C16orf95: variants seen among roughly 807,000 people sequenced by gnomAD.
C16orf95 encodes chromosome 16 open reading frame 95, also known as uncharacterized protein C16orf95.
Under a neutral mutation model 32.1 loss-of-function variants are expected in C16orf95, and 41 were observed. That is an observed-to-expected ratio of 1.28 (90% CI 1.00 to 1.66). C16orf95 has a LOEUF of 1.66. C16orf95 is among the 40% of genes most tolerant of loss of function. The pLI is 0.00. For synonymous variants in C16orf95, 147 were observed against 128.9 expected, an observed-to-expected ratio of 1.14 and a Z score of -0.95; for missense variants, 399 against 325.9, an observed-to-expected ratio of 1.22 and a Z score of -1.73.
At chr16:87,313,290 A>G (rs1911366384) in intron 3 of C16orf95, among the ~76,000 whole-genome samples, 1 of 152,268 alleles carries the variant, frequency 6.6e-6, no homozygotes, top group African/African-American at 2.4e-5. Context: ...TCAAGACACA[A>G]TAATCAAGAC....
chr16:87,309,560 T>C (rs1911187726), intron 5 of C16orf95, among the ~76,000 whole-genome samples: 1 of 151,832 alleles, frequency 6.6e-6, no homozygotes. Flanking sequence ...ATTTTTTGTA[T>C]TTTAGTAGAG....
chr16:87,303,235 G>C (rs1910846120), intron 6 of C16orf95, 160 bp from the exon 7 acceptor site: 3 of 697,170 alleles, frequency 4.3e-6, no homozygotes, highest in Non-Finnish European at 7.5e-6. Context: ...GCAGGGATGA[G>C]GGGTGGGGTG....
chr16:87,304,328 C>G (rs889606), intron 6 of C16orf95, among the ~76,000 whole-genome samples: 12,648 of 67,410 alleles, frequency 0.19, 557 homozygotes, highest in Non-Finnish European at 0.26. Flanking sequence ...AGGCTGGGAT[C>G]CAGGTGTGGG....
chr16:87,309,387 T>C (rs1339992674), intron 5 of C16orf95, among the ~76,000 whole-genome samples: 6 of 131,546 alleles, frequency 4.6e-5, no homozygotes, highest in Non-Finnish European at 6.4e-5. Flanking sequence ...TTTTTTTTTT[T>C]TTTTTTTTTT....
chr16:87,317,106 C>T lies in C16orf95; in HGVS notation c.137G>A (p.Ser46Asn). The T allele has an allele frequency of 6.5e-7, 1 of 1,527,266 alleles. No individual in the cohort carries two copies. 94.6% of individuals were successfully genotyped at this position (1,527,266 alleles called of 1,614,324 possible). ...VGLCRLALTP[S>N]AQDGRNSTFQ... Reference sequence around the variant, plus strand: ...ACTCACTTGCCTGCCATCCTGCGCGCTGGGTGTGAGTGCCAACCTGCAGAG... The same window carrying T: ...ACTCACTTGCCTGCCATCCTGCGCGTTGGGTGTGAGTGCCAACCTGCAGAG... The change falls in exon 1 of 7, where the codon AGC (serine) becomes AAC (asparagine). Residue 46 changes from serine (S) to asparagine (N), a missense_variant. Ser to Asn is a conservative substitution (Grantham distance 46, BLOSUM62 1). Coordinates refer to ENST00000567970, the MANE Select transcript of C16orf95 (RefSeq NM_001195124.3).
At chr16:87,316,952 T>C in intron 1 of C16orf95, 139 bp downstream of exon 1, 1 of 1,335,052 alleles carries the variant, frequency 7.5e-7, no homozygotes, top group Non-Finnish European at 9.7e-7. Context: ...AGTTGCGTTT[T>C]TGTTAAGCCA....
intron 1 of C16orf95, 85 bp downstream of exon 1, chr16:87,317,006 G>A (rs1183247301): frequency 2.1e-6 from 3 of 1,428,578 alleles, no homozygotes; most frequent in Admixed American, 2.8e-5. Context: ...AGTTCTGCCT[G>A]TGCATAGGTC....
At chr16:87,316,914 C>G (rs1847545132) in intron 1 of C16orf95, among the ~76,000 whole-genome samples, 177 bp downstream of exon 1, 1 of 152,232 alleles carries the variant, frequency 6.6e-6, no homozygotes, top group Admixed American at 6.5e-5. Context: ...AGGCCTACTT[C>G]TGACATTTTC....
intron 3 of C16orf95, among the ~76,000 whole-genome samples, chr16:87,312,426 G>A (rs1463975369): frequency 6.6e-6 from 1 of 152,022 alleles, no homozygotes; most frequent in African/African-American, 2.4e-5. Flanking sequence ...AAAATTAGCC[G>A]GGAGTGGTGG....
chr16:87,304,341 ACTGTGC>A (rs1567602045), intron 6 of C16orf95, among the ~76,000 whole-genome samples: 18 of 151,042 alleles, frequency 1.2e-4, no homozygotes, highest in African/African-American at 4.3e-4. Flanking sequence ...GGTGTGGGCC[ACTGTGC>A]CCGGCCTCGC....
rs926688128 is a variant in C16orf95, at chr16:87,305,362, G to A, written c.701+357C>T. Reference sequence around the variant, plus strand: ...GTGCTCAGAGCTCAGAGGCTGGAGGGTGAGTGGCTGTTAAGATGCACCGTC... The same window carrying A: ...GTGCTCAGAGCTCAGAGGCTGGAGGATGAGTGGCTGTTAAGATGCACCGTC... On this transcript the variant is annotated intron_variant, in intron 6 of 6. Transcript: ENST00000567970. The surrounding 1 kb of genome is among the most constrained non-coding windows in gnomAD (Gnocchi z 4.2). Among the ~76,000 whole-genome samples, 4 of 152,296 alleles carry A rather than the reference G, an allele frequency of 2.6e-5. No homozygotes were observed. Among genetic ancestry groups the A allele is most frequent in the Non-Finnish European group, 4.4e-5 (3 of 68,012 alleles).
Position 87,303,015 on chromosome 16 carries a change from C to G in C16orf95, c.*42G>C, listed in dbSNP as rs1377620045. 3 of 1,533,962 alleles carry G rather than the reference C, an allele frequency of 2.0e-6. No individual in the cohort carries two copies. The highest frequency in any genetic ancestry group is 8.7e-7 in the Non-Finnish European group (1 of 1,144,892). On this transcript the variant is annotated 3_prime_UTR_variant, in exon 7 of 7. Coordinates refer to ENST00000567970, the MANE Select transcript of C16orf95 (RefSeq NM_001195124.3). ...ACTCTCAAAGATCTTGATCGTGACA[C>G]ATTTTTGTGGCTGTTCTTGACAGTA...
chr16:87,316,312 C>G (rs1363640605), intron 1 of C16orf95, among the ~76,000 whole-genome samples: 1 of 152,136 alleles, frequency 6.6e-6, no homozygotes, highest in Non-Finnish European at 1.5e-5. Context: ...TGACAAAGCA[C>G]TTGGGGTTAC....
intron 5 of C16orf95, among the ~76,000 whole-genome samples, chr16:87,308,286 G>C (rs1447497277): frequency 6.6e-6 from 1 of 152,100 alleles, no homozygotes; most frequent in Non-Finnish European, 1.5e-5. Flanking sequence ...TTCCAGACCA[G>C]CCTGACCAAC....
chr16:87,306,346 ACAAGCACGGATGGAATT>A (rs1044817323), intron 5 of C16orf95, among the ~76,000 whole-genome samples: 1 of 152,170 alleles, frequency 6.6e-6, no homozygotes, highest in African/African-American at 2.4e-5. Flanking sequence ...AAGGAAAGCC[ACAAGCACGGATGGAATT>A]CCAACGTTTC....
At chr16:87,311,093 T>G (rs1260645086) in intron 4 of C16orf95, 57 bp downstream of exon 4, 1 of 1,394,402 alleles carries the variant, frequency 7.2e-7, no homozygotes, top group Non-Finnish European at 9.4e-7. Context: ...CATCTCCCCT[T>G]CCCCCGGCCC....
Position 87,315,004 on chromosome 16 carries a change from GT to G in C16orf95, c.296del (p.Tyr99SerfsTer7), listed in dbSNP as rs1328504049. ...GGGGTCTCAGGGACAGAGGGACCCA[GT>G]AAGGCAGTGCTGCTTCCACCCTGGA... ...PVSRVEAALPYWVPLSLRPRK... is the reference protein window; with the variant it reads ...PVSRVEAALPXWVPLSLRPRK... On this transcript the variant is annotated frameshift_variant, in exon 3 of 7. Coordinates refer to ENST00000567970, the MANE Select transcript of C16orf95 (RefSeq NM_001195124.3). LOFTEE classifies it high-confidence loss of function. The G allele has an allele frequency of 1.5e-5, 23 of 1,536,026 alleles. No homozygotes were observed. The highest frequency in any genetic ancestry group is 1.9e-5 in the Non-Finnish European group (22 of 1,146,910).
intron 4 of C16orf95, 85 bp from the exon 5 acceptor site, chr16:87,310,418 G>A: frequency 7.4e-7 from 1 of 1,347,396 alleles, no homozygotes; most frequent in Middle Eastern, 2.1e-4. Flanking sequence ...AAACCTCCAG[G>A]AGGGGCACTG....
chr16:87,308,971 G>A (rs1468602035), intron 5 of C16orf95, among the ~76,000 whole-genome samples: 1 of 152,192 alleles, frequency 6.6e-6, no homozygotes, highest in East Asian at 1.9e-4. Context: ...CACGATGAAT[G>A]TTTTTTCTCA....
Sources: allele counts gnomAD v4.1 joint callset (sites outside exome capture counted in the v4.1 genomes callset), GRCh38; gene constraint gnomAD v4.1.1; non-coding constraint Gnocchi (gnomAD v3.1); transcripts MANE v1.5; gene names NCBI Gene and HGNC (gene_info 2026-07-23, HGNC 2026-07-21).